EHD3: variants seen among roughly 807,000 people sequenced by gnomAD.
EHD3 encodes the protein EH domain-containing protein 3.
Under a neutral mutation model 43.0 loss-of-function variants are expected in EHD3, and 17 were observed. The observed-to-expected ratio is 0.40, with a 90% confidence interval of 0.27 to 0.59. EHD3 has a LOEUF of 0.59. Among genes scored for constraint, EHD3 ranks in the 20% least tolerant of loss-of-function variants. The pLI, the probability that EHD3 is intolerant of heterozygous loss-of-function variation, is 0.49. For missense variants in EHD3, 594 were observed against 705.6 expected (o/e 0.84, Z 1.79); for synonymous variants, 313 against 289.5 (o/e 1.08, Z -0.82).
At chr2:31,240,906 C>T (rs762723781) in intron 1 of EHD3, among the ~76,000 whole-genome samples, 9 of 152,202 alleles carry the variant, frequency 5.9e-5, no homozygotes, top group African/African-American at 9.7e-5. Context: ...TAGGGCTTCT[C>T]ATCCACACAC....
chr2:31,252,015 C>T (rs1360444876), intron 3 of EHD3, among the ~76,000 whole-genome samples: 2 of 152,318 alleles, frequency 1.3e-5, no homozygotes, highest in East Asian at 3.9e-4. Flanking sequence ...TGGGGGACGT[C>T]ACATGTGCAC....
chr2:31,237,991 GTTTT>G (rs989506268), intron 1 of EHD3, among the ~76,000 whole-genome samples: 1 of 151,442 alleles, frequency 6.6e-6, no homozygotes, highest in African/African-American at 2.4e-5. Flanking sequence ...GTGTGTGTGT[GTTTT>G]TTTTGTTTGT....
intron 3 of EHD3, among the ~76,000 whole-genome samples, chr2:31,255,941 A>G (rs1208987868): frequency 2.0e-5 from 3 of 152,178 alleles, no homozygotes; most frequent in Admixed American, 6.5e-5. Context: ...TGTGCCTGCA[A>G]AGGGTCCCTT....
At chr2:31,239,844 T>TCTCTAACAGCC (rs1293015486) in intron 1 of EHD3, among the ~76,000 whole-genome samples, 3 of 52,008 alleles carry the variant, frequency 5.8e-5, no homozygotes, top group African/African-American at 4.0e-4. Flanking sequence ...TCTCTCGAGC[T>TCTCTAACAGCC]GACTCTAACA....
chr2:31,252,052 C>G (rs962475408), intron 3 of EHD3, among the ~76,000 whole-genome samples: 1 of 152,190 alleles, frequency 6.6e-6, no homozygotes, highest in African/African-American at 2.4e-5. Flanking sequence ...GCCTGACCAG[C>G]GGGTCCAGAG....
At position 31,238,762 on chromosome 2, in the gene EHD3, G is replaced by A. The variant is rs139104556; in HGVS notation, c.227+3914G>A. Among the ~76,000 whole-genome samples, 583 of 152,344 alleles carry A rather than the reference G, an allele frequency of 3.8e-3. 3 individuals are homozygous for A. The highest frequency in any genetic ancestry group is 0.013 in the African/African-American group (561 of 41,588). ...TGTGGCCCCTTATTCTGCAGGTAGT[G>A]GAGGTGAGTAGCTGGCTGCTCCAGG... On this transcript the variant is annotated intron_variant, in intron 1 of 5. Coordinates refer to ENST00000322054, the MANE Select transcript of EHD3 (RefSeq NM_014600.3).
chr2:31,261,508 G>T, intron 4 of EHD3, 41 bp from the exon 5 acceptor site: 2 of 1,610,702 alleles, frequency 1.2e-6, no homozygotes, highest in Non-Finnish European at 1.7e-6. Flanking sequence ...GGACCGTCCA[G>T]GGTCTTGATG....
intron 1 of EHD3, 95 bp downstream of exon 1, chr2:31,234,943 G>C (rs1683295995): frequency 1.6e-6 from 2 of 1,220,174 alleles, no homozygotes. Flanking sequence ...GGGGACCAAT[G>C]GGAAGCCTTC....
At chr2:31,235,661 G>A (rs930170433) in intron 1 of EHD3, among the ~76,000 whole-genome samples, 2 of 152,194 alleles carry the variant, frequency 1.3e-5, no homozygotes, top group Non-Finnish European at 2.9e-5. Flanking sequence ...CATGTGAGGA[G>A]ATGCTTGGCT....
intron 4 of EHD3, 145 bp from the exon 5 acceptor site, chr2:31,261,404 A>T: frequency 1.0e-6 from 1 of 978,380 alleles, no homozygotes; most frequent in Admixed American, 2.4e-5. Flanking sequence ...TGGAGCCATG[A>T]GGGTAGAGGT....
At position 31,246,641 on chromosome 2, in the gene EHD3, C is replaced by T. The variant is rs57500616; in HGVS notation, c.404+2191C>T. Among the ~76,000 whole-genome samples the T allele has an allele frequency of 6.1e-3, 935 of 152,218 alleles. 10 individuals carry two copies. The highest frequency in any genetic ancestry group is 0.019 in the African/African-American group (809 of 41,512). On this transcript the variant is annotated intron_variant, in intron 2 of 5. Transcript: ENST00000322054. ...TTGCCATCATATGCTGGGTGCATTC[C>T]TGAGAGCTGAGCGCCCTTATGTCAT...
chr2:31,248,038 AACG>A (rs1683559688), intron 2 of EHD3, among the ~76,000 whole-genome samples: 1 of 152,138 alleles, frequency 6.6e-6, no homozygotes, highest in African/African-American at 2.4e-5. Context: ...TGTCCATTGA[AACG>A]ACAACAGGGA....
intron 2 of EHD3, among the ~76,000 whole-genome samples, chr2:31,245,549 ATATATTTTTTT>A (rs1422391485): frequency 2.2e-3 from 102 of 47,106 alleles, no homozygotes; most frequent in East Asian, 0.011. Flanking sequence ...ATATATATAT[ATATATTTTTTT>A]TTTTTTTTTT....
At chr2:31,242,196 TGGGA>T (rs1216903569) in intron 1 of EHD3, among the ~76,000 whole-genome samples, 4 of 152,158 alleles carry the variant, frequency 2.6e-5, no homozygotes, top group African/African-American at 9.7e-5. Context: ...TGTTGATGAG[TGGGA>T]GGAAGCCCTG....
Position 31,266,902 on chromosome 2 carries a change from C to T in EHD3, c.*198C>T, listed in dbSNP as rs150263934. The T allele has an allele frequency of 1.3e-3, 891 of 668,020 alleles. 4 individuals carry two copies. Among genetic ancestry groups the T allele is most frequent in the Middle Eastern group, 4.7e-3 (11 of 2,352 alleles). 41.4% of individuals were successfully genotyped at this position (668,020 alleles called of 1,614,324 possible). On this transcript the variant is annotated 3_prime_UTR_variant, in exon 6 of 6. Transcript: ENST00000322054. This position sits in a 1 kb window ranked among gnomAD's most constrained non-coding sequence, Gnocchi z 5.1. ...TTGTTTGGGCACACCTCCAAGTTCT[C>T]GGGATTAGAAGGACAAGAGCACTCC...
Position 31,234,448 on chromosome 2 carries a change from A to T in EHD3, c.-174A>T. On this transcript the variant is annotated 5_prime_UTR_variant, in exon 1 of 6. It introduces an in-frame stop codon into an upstream open reading frame of the 5' UTR. Transcript: ENST00000322054. ...GCTGGGCTTGGTCCCAGGAGCAGGG[A>T]GAGTGCGCTCCCGGCCCTCCTAGCC... 1 of 651,534 alleles carries T rather than the reference A, an allele frequency of 1.5e-6. No homozygotes were observed. The highest frequency in any genetic ancestry group is 1.9e-5 in the South Asian group (1 of 51,876). 40.4% of individuals were successfully genotyped at this position (651,534 alleles called of 1,614,324 possible). A position where few individuals can be genotyped will look rare whatever the true frequency, so the allele number is the denominator to read the frequency against.
chr2:31,266,563 C>T lies in EHD3; in HGVS notation c.1467C>T (p.Asp489=). ...TGGGCAAGATCTGGAAGCTGGCCGA[C>T]ATTGACAAGGATGGCATGCTGGACG... ...SVLGKIWKLA[D]IDKDGMLDDD... is the part of the protein sequence containing the mutation. The change falls in exon 6 of 6, where the codon GAC becomes GAT. Residue 489 remains aspartate, a synonymous_variant. Transcript: ENST00000322054. This position sits in a 1 kb window ranked among gnomAD's most constrained non-coding sequence, Gnocchi z 5.1. 3 of 1,614,166 alleles carry T rather than the reference C, an allele frequency of 1.9e-6. No homozygotes were observed. Among genetic ancestry groups the T allele is most frequent in the Non-Finnish European group, 2.5e-6 (3 of 1,180,034 alleles).
chr2:31,255,308 C>G (rs1683729409), intron 3 of EHD3, among the ~76,000 whole-genome samples: 1 of 152,176 alleles, frequency 6.6e-6, no homozygotes, highest in Non-Finnish European at 1.5e-5. Flanking sequence ...TTGTGGGTCT[C>G]AGAGCCATCG....
In EHD3 at chr2:31,238,507, C is replaced by T. The variant is rs114079721; in HGVS notation, c.227+3659C>T. Among the ~76,000 whole-genome samples the T allele has an allele frequency of 5.0e-3, 758 of 152,366 alleles. 7 individuals are homozygous for T. Among genetic ancestry groups the T allele is most frequent in the African/African-American group, 0.017 (722 of 41,584 alleles). ...GAAATAACTTCCCCGGCCTAAGGCC[C>T]GGCAACACAGAGTAATAAAATGAAC... On this transcript the variant is annotated intron_variant, in intron 1 of 5. Transcript: ENST00000322054.
Sources: gnomAD v4.1 joint callset for allele counts (sites outside exome capture counted in the v4.1 genomes callset) on GRCh38, gnomAD v4.1.1 for gene constraint, Gnocchi (gnomAD v3.1) non-coding constraint, MANE v1.5 for transcripts, NCBI Gene and HGNC (gene_info 2026-07-23, HGNC 2026-07-21) for gene names.